Variants in LRRFIP2 observed in about 807,000 individuals in gnomAD.
LRRFIP2 encodes the protein LRR binding FLII interacting protein 2, also known as leucine-rich repeat flightless-interacting protein 2.
Under a neutral mutation model 125.9 loss-of-function variants are expected in LRRFIP2, and 109 were observed. The observed-to-expected ratio is 0.87, with a 90% CI of 0.74 to 1.01. The LOEUF (loss-of-function observed/expected upper bound fraction) is 1.01, where lower values mean the gene tolerates loss of function less well. LRRFIP2 is among the 50% of genes least tolerant of loss of function. LRRFIP2 has a pLI of 0.00. For synonymous variants in LRRFIP2, 291 were observed against 293.1 expected (o/e 0.99, Z 0.07); for missense variants, 850 against 862.3 (o/e 0.99, Z 0.18).
chr3:37,173,594 A>G (rs542580012), intron 1 of LRRFIP2, among the ~76,000 whole-genome samples: 9 of 152,364 alleles, frequency 5.9e-5, no homozygotes, highest in Admixed American at 1.3e-4. Context: ...AAGCTACGAA[A>G]CAGCCTGTAT....
intron 6 of LRRFIP2, among the ~76,000 whole-genome samples, chr3:37,119,541 T>C (rs920428646): frequency 5.3e-5 from 8 of 152,126 alleles, no homozygotes; most frequent in Non-Finnish European, 1.0e-4. Flanking sequence ...CTGCGAACAT[T>C]ATAATGAAAA....
intron 1 of LRRFIP2, among the ~76,000 whole-genome samples, chr3:37,168,322 T>G (rs2096538040): frequency 6.6e-6 from 1 of 152,158 alleles, no homozygotes; most frequent in Non-Finnish European, 1.5e-5. Context: ...GGTATAAACA[T>G]ACGAAGGAAT....
At chr3:37,162,220 T>C (rs777596629) in intron 1 of LRRFIP2, among the ~76,000 whole-genome samples, 1 of 125,836 alleles carries the variant, frequency 7.9e-6, no homozygotes. Flanking sequence ...ATTAATAAAA[T>C]AACTTCCCAG....
intron 2 of LRRFIP2, among the ~76,000 whole-genome samples, chr3:37,136,981 G>A (rs1422479302): frequency 7.9e-6 from 1 of 127,174 alleles, no homozygotes; most frequent in African/African-American, 3.1e-5. Context: ...GGTGGGGGGG[G>A]GGCGGGGACA....
intron 25 of LRRFIP2, among the ~76,000 whole-genome samples, chr3:37,057,662 TG>T (rs1334491979): frequency 6.6e-6 from 1 of 152,096 alleles, no homozygotes; most frequent in African/African-American, 2.4e-5. Context: ...CCACCACGCC[TG>T]GCCCCAACAT....
intron 1 of LRRFIP2, among the ~76,000 whole-genome samples, chr3:37,160,437 A>G (rs1172627656): frequency 6.6e-6 from 1 of 152,160 alleles, no homozygotes; most frequent in African/African-American, 2.4e-5. Flanking sequence ...TCTTCAGAAA[A>G]TTAAGGCAAA....
At chr3:37,122,040 G>T (rs1378078974) in intron 4 of LRRFIP2, among the ~76,000 whole-genome samples, 1 of 150,960 alleles carries the variant, frequency 6.6e-6, no homozygotes, top group East Asian at 2.0e-4. Context: ...TTTACATTAG[G>T]TATATCTCCT....
intron 19 of LRRFIP2, among the ~76,000 whole-genome samples, chr3:37,082,451 G>A (rs2092722347): frequency 6.6e-6 from 1 of 151,996 alleles, no homozygotes; most frequent in Non-Finnish European, 1.5e-5. Context: ...CACACGCACA[G>A]TCTACCCTAT....
At chr3:37,174,978 T>A (rs1240731014), upstream of LRRFIP2, 1 of 152,258 alleles carries the variant, frequency 6.6e-6, no homozygotes, top group Non-Finnish European at 1.5e-5. Context: ...TGACGTTGGT[T>A]AAACAGGGTT....
chr3:37,168,246 G>A (rs1259214496), intron 1 of LRRFIP2, among the ~76,000 whole-genome samples: 1 of 152,152 alleles, frequency 6.6e-6, no homozygotes, highest in Non-Finnish European at 1.5e-5. Context: ...CATATTCATG[G>A]TGGCACTATT....
chr3:37,072,878 T>C lies in LRRFIP2; in HGVS notation c.1376A>G (p.Lys459Arg). Reference sequence around the variant, plus strand: ...GTCTATTTTCTGCTGCATGCGCTGCTTCTCCTGCAGAGGAAGAGGGGAAGA... The same window carrying C: ...GTCTATTTTCTGCTGCATGCGCTGCCTCTCCTGCAGAGGAAGAGGGGAAGA... Reference protein sequence around the residue: ...LRQRDELIEEKQRMQQKIDTM... With the variant: ...LRQRDELIEERQRMQQKIDTM... Residue 459 changes from lysine (K) to arginine (R), a missense_variant, in exon 21 of 28, where the codon AAG becomes AGG. Lys to Arg is a conservative substitution (Grantham distance 26). Coordinates refer to ENST00000336686, the MANE Select transcript of LRRFIP2 (RefSeq NM_006309.4). 1 of 1,607,712 alleles carries C rather than the reference T, an allele frequency of 6.2e-7. No individual in the cohort carries two copies. The highest frequency in any genetic ancestry group is 1.1e-5 in the South Asian group (1 of 90,622).
intron 18 of LRRFIP2, 139 bp downstream of exon 18, chr3:37,091,328 A>G: frequency 1.8e-6 from 1 of 542,472 alleles, no homozygotes; most frequent in South Asian, 3.2e-5. Flanking sequence ...ATTCCTATGC[A>G]CTGCAGGTTA....
intron 3 of LRRFIP2, 134 bp downstream of exon 3, chr3:37,128,929 C>T: frequency 5.1e-6 from 4 of 782,478 alleles, no homozygotes; most frequent in Non-Finnish European, 8.4e-6. Context: ...CACAGAATGG[C>T]TTGATAAAAT....
chr3:37,130,258 A>G (rs764506925), intron 2 of LRRFIP2, among the ~76,000 whole-genome samples: 3 of 152,168 alleles, frequency 2.0e-5, no homozygotes, highest in Non-Finnish European at 4.4e-5. Flanking sequence ...GTTACCTCCA[A>G]ATCCATCTGC....
At chr3:37,110,958 C>T in intron 9 of LRRFIP2, 33 bp downstream of exon 9, 2 of 1,598,604 alleles carry the variant, frequency 1.3e-6, no homozygotes, top group Non-Finnish European at 1.7e-6. Context: ...AAAAGTGAAT[C>T]AAACACATAA....
chr3:37,057,829 C>G (rs994708776), intron 25 of LRRFIP2, among the ~76,000 whole-genome samples: 1 of 152,202 alleles, frequency 6.6e-6, no homozygotes, highest in African/African-American at 2.4e-5. Flanking sequence ...CAAAGGCTAA[C>G]TACAAATTCC....
At chr3:37,161,160 A>G (rs60321523) in intron 1 of LRRFIP2, among the ~76,000 whole-genome samples, 91 of 144,038 alleles carry the variant, frequency 6.3e-4, no homozygotes, top group African/African-American at 2.1e-3. Context: ...CCTGGTCAAC[A>G]TGGTGAAACC....
chr3:37,072,428 G>A (rs1340471278), intron 21 of LRRFIP2, among the ~76,000 whole-genome samples: 1 of 150,294 alleles, frequency 6.7e-6, no homozygotes, highest in Non-Finnish European at 1.5e-5. Flanking sequence ...CTTGAACCCA[G>A]GAGGCAGAGG....
intron 1 of LRRFIP2, among the ~76,000 whole-genome samples, chr3:37,156,600 G>C (rs896934026): frequency 5.4e-5 from 8 of 147,802 alleles, no homozygotes; most frequent in African/African-American, 1.7e-4. Flanking sequence ...CGTGAACCTG[G>C]GAGGCGGAGC....
Sources: allele counts gnomAD v4.1 joint callset (sites outside exome capture counted in the v4.1 genomes callset), GRCh38; gene constraint gnomAD v4.1.1; transcripts MANE v1.5; gene names NCBI Gene and HGNC (gene_info 2026-07-23, HGNC 2026-07-21).